Variants in IMMP2L observed in about 807,000 individuals in gnomAD.
The protein encoded by IMMP2L is inner mitochondrial membrane peptidase subunit 2.
A neutral mutation model predicts 19.3 loss-of-function variants in IMMP2L; 18 were observed. The ratio of observed to expected loss-of-function variants is 0.93; its 90% CI spans 0.64 to 1.38. IMMP2L has a LOEUF of 1.38. Among genes scored for constraint, IMMP2L ranks in the 40% most tolerant of loss-of-function variants. The probability of loss-of-function intolerance (pLI) is 0.00; values close to 1 mark genes in which losing one functional copy is unlikely to be tolerated. For missense variants in IMMP2L, 233 were observed against 218.2 expected (o/e 1.07, Z -0.43); for synonymous variants, 76 against 73.0 (o/e 1.04, Z -0.21).
chr7:111,029,361 T>C (rs552173920), intron 3 of IMMP2L, among the ~76,000 whole-genome samples: 3 of 152,250 alleles, frequency 2.0e-5, no homozygotes, highest in African/African-American at 7.2e-5. Context: ...TTGTGGGTGG[T>C]TGGGCCCTCT....
intron 2 of IMMP2L, among the ~76,000 whole-genome samples, chr7:111,520,960 A>G (rs1307010779): frequency 1.3e-5 from 2 of 152,124 alleles, no homozygotes; most frequent in African/African-American, 4.8e-5. Flanking sequence ...ACTCAAACCC[A>G]TCTTGCAACT....
At chr7:110,973,283 A>G (rs2129556897) in intron 3 of IMMP2L, among the ~76,000 whole-genome samples, 1 of 152,240 alleles carries the variant, frequency 6.6e-6, no homozygotes, top group South Asian at 2.1e-4. Flanking sequence ...TTTATACTGT[A>G]AAAACATATA....
intron 3 of IMMP2L, among the ~76,000 whole-genome samples, chr7:111,106,167 A>C (rs1399206681): frequency 1.3e-5 from 2 of 152,122 alleles, no homozygotes; most frequent in African/African-American, 4.8e-5. Flanking sequence ...CATGCTAAAT[A>C]AAATGGGAGG....
At chr7:111,515,037 C>T (rs2132610217) in intron 2 of IMMP2L, among the ~76,000 whole-genome samples, 1 of 152,186 alleles carries the variant, frequency 6.6e-6, no homozygotes, top group African/African-American at 2.4e-5. Flanking sequence ...ATTTCTAAAG[C>T]CTTTAAAGTC....
chr7:111,463,441 CTTT>C (rs1258926144), intron 3 of IMMP2L, among the ~76,000 whole-genome samples: 2 of 152,064 alleles, frequency 1.3e-5, no homozygotes, highest in Non-Finnish European at 2.9e-5. Flanking sequence ...ATCCATGCTT[CTTT>C]AATTTCTAGC....
At chr7:110,917,976 G>T (rs187757486) in intron 4 of IMMP2L, among the ~76,000 whole-genome samples, 2 of 152,242 alleles carry the variant, frequency 1.3e-5, no homozygotes, top group Non-Finnish European at 2.9e-5. Context: ...ATAAAAGTCA[G>T]TCCCTTCTTA....
chr7:111,500,401 G>C (rs554824600), intron 2 of IMMP2L, among the ~76,000 whole-genome samples: 2 of 152,274 alleles, frequency 1.3e-5, no homozygotes, highest in East Asian at 1.9e-4. Context: ...CAAACAAAAA[G>C]ACAGCAGTAA....
intron 2 of IMMP2L, among the ~76,000 whole-genome samples, chr7:111,511,025 C>T (rs1845390862): frequency 6.6e-6 from 1 of 152,080 alleles, no homozygotes; most frequent in Non-Finnish European, 1.5e-5. Flanking sequence ...TTTTCATGGG[C>T]CAGGCCTAAA....
intron 3 of IMMP2L, among the ~76,000 whole-genome samples, chr7:111,115,604 C>T (rs1397694345): frequency 1.3e-5 from 2 of 151,974 alleles, no homozygotes; most frequent in Non-Finnish European, 2.9e-5. Flanking sequence ...CTAGATTCCA[C>T]AAATTGGACG....
At position 110,946,316 on chromosome 7, in the gene IMMP2L, A is replaced by G. The variant is rs186683638; in HGVS notation, c.305+17184T>C. 1.5e-3 allele frequency among the ~76,000 whole-genome samples: 222 copies of G among 152,286 alleles called. 1 individual carries two copies. The highest frequency in any genetic ancestry group is 5.1e-3 in the African/African-American group (211 of 41,568). ...CCTTCATGTGGTAGTTACGTTGCCT[A>G]TAGAATGTATATAGACATATATATG... On this transcript the variant is annotated intron_variant, in intron 4 of 5. Transcript: ENST00000405709.
chr7:111,178,209 T>C (rs1387930715), intron 3 of IMMP2L, among the ~76,000 whole-genome samples: 1 of 152,054 alleles, frequency 6.6e-6, no homozygotes, highest in Non-Finnish European at 1.5e-5. Context: ...TCCCAGTCCT[T>C]ATAAAAGTTA....
At chr7:111,294,696 C>CT (rs1285370317) in intron 3 of IMMP2L, among the ~76,000 whole-genome samples, 1 of 151,806 alleles carries the variant, frequency 6.6e-6, no homozygotes, top group African/African-American at 2.4e-5. Flanking sequence ...AACTAAATTG[C>CT]TGATACTGTG....
chr7:111,333,133 G>A (rs930110693), intron 3 of IMMP2L, among the ~76,000 whole-genome samples: 16 of 152,102 alleles, frequency 1.1e-4, no homozygotes, highest in African/African-American at 3.6e-4. Context: ...GCTTGCTGAA[G>A]GCAAAGGGAA....
At chr7:111,463,785 A>T (rs959805365) in intron 3 of IMMP2L, among the ~76,000 whole-genome samples, 17 of 152,318 alleles carry the variant, frequency 1.1e-4, no homozygotes, top group Non-Finnish European at 2.2e-4. Context: ...TCCATTCATT[A>T]AACTCTCTTC....
chr7:111,062,274 G>T (rs1469658007), intron 3 of IMMP2L, among the ~76,000 whole-genome samples: 2 of 152,144 alleles, frequency 1.3e-5, no homozygotes, highest in Admixed American at 1.3e-4. Context: ...AAGGGAGCTT[G>T]TAAAGGGAAA....
intron 5 of IMMP2L, among the ~76,000 whole-genome samples, chr7:110,817,983 C>T (rs373081937): frequency 6.6e-6 from 1 of 151,936 alleles, no homozygotes; most frequent in South Asian, 2.1e-4. Context: ...TAAAGACTTA[C>T]ATGTTAGACC....
At chr7:111,291,131 G>T (rs1435960814) in intron 3 of IMMP2L, among the ~76,000 whole-genome samples, 1 of 152,028 alleles carries the variant, frequency 6.6e-6, no homozygotes, top group African/African-American at 2.4e-5. Context: ...TTAAGAAATG[G>T]ATATCATTTC....
intron 1 of IMMP2L, among the ~76,000 whole-genome samples, chr7:111,561,618 C>A (rs956278658): frequency 1.3e-5 from 2 of 152,004 alleles, no homozygotes; most frequent in Non-Finnish European, 2.9e-5. Flanking sequence ...GGTCAAGGGG[C>A]TAAAAGGGAT....
At chr7:111,058,924 CTG>C (rs1308229563) in intron 3 of IMMP2L, among the ~76,000 whole-genome samples, 2 of 152,074 alleles carry the variant, frequency 1.3e-5, no homozygotes, top group East Asian at 1.9e-4. Context: ...GACTTTATCA[CTG>C]TGTTTTTTCC....
Sources: gnomAD v4.1 joint callset for allele counts (sites outside exome capture counted in the v4.1 genomes callset) on GRCh38, gnomAD v4.1.1 for gene constraint, MANE v1.5 for transcripts, NCBI Gene and HGNC (gene_info 2026-07-23, HGNC 2026-07-21) for gene names.